NPIPB8: variants seen among roughly 807,000 people sequenced by gnomAD.
NPIPB8 encodes nuclear pore complex interacting protein family member B8.
NPIPB8 carries 3 observed loss-of-function variants against 5.3 expected under a neutral mutation model. The ratio of observed to expected loss-of-function variants is 0.57; its 90% CI spans 0.26 to 1.47. The LOEUF (loss-of-function observed/expected upper bound fraction) is 1.47. NPIPB8 is among the 40% of genes most tolerant of loss of function. The pLI is 0.13. For synonymous variants in NPIPB8, 18 were observed against 23.0 expected, an observed-to-expected ratio of 0.78 and a Z score of 0.62; for missense variants, 50 against 50.2, an observed-to-expected ratio of 1.00 and a Z score of 0.01.
At chr16:28,640,737 C>G (rs2151745071) in intron 2 of NPIPB8, among the ~76,000 whole-genome samples, 1 of 152,230 alleles carries the variant, frequency 6.6e-6, no homozygotes, top group African/African-American at 2.4e-5. Flanking sequence ...AAATCATCAC[C>G]AGCATGATTA....
At chr16:28,637,973 G>T (rs935172563), upstream of NPIPB8, 15 of 817,864 alleles carry the variant, frequency 1.8e-5, no homozygotes, top group African/African-American at 3.7e-5. Context: ...CTTTTTTGTA[G>T]GTTTCAGGCA....
In NPIPB8 at chr16:28,647,794, TA is replaced by T. The variant is rs1278749516; in HGVS notation, c.121-340del. On this transcript the variant is annotated intron_variant, in intron 2 of 7. Transcript: ENST00000683297. Reference sequence around the variant, plus strand: ...AAAAAAAAAAAAAAGAGTTTTTTTTTAGATCATCAGCTATTGTTAGTGTTAG... The same window carrying T: ...AAAAAAAAAAAAAAGAGTTTTTTTTTGATCATCAGCTATTGTTAGTGTTAG... Among the ~76,000 whole-genome samples the T allele has an allele frequency of 4.5e-3, 311 of 69,582 alleles. 37 individuals carry two copies. Among genetic ancestry groups the T allele is most frequent in the Non-Finnish European group, 5.0e-3 (202 of 40,458 alleles). 45.6% of individuals were successfully genotyped at this position (69,582 alleles called of 152,430 possible).
chr16:28,642,168 C>T (rs528668010), intron 2 of NPIPB8, among the ~76,000 whole-genome samples: 15 of 151,412 alleles, frequency 9.9e-5, no homozygotes, highest in South Asian at 8.3e-4. Flanking sequence ...TGCAATGGCA[C>T]GATCTCGGCT....
At chr16:28,644,560 C>G in intron 2 of NPIPB8, 1 of 1,514,674 alleles carries the variant, frequency 6.6e-7, no homozygotes. Flanking sequence ...CTGTCCTGGA[C>G]ACCTCAGGGC....
intron 3 of NPIPB8, among the ~76,000 whole-genome samples, chr16:28,651,753 C>T (rs1216765096): frequency 2.3e-4 from 17 of 72,430 alleles, no homozygotes; most frequent in African/African-American, 1.3e-3. Flanking sequence ...CTCAGCCTCC[C>T]GAGTAGCTTG....
chr16:28,638,965 A>T (rs1364310590), intron 2 of NPIPB8, among the ~76,000 whole-genome samples: 4 of 150,132 alleles, frequency 2.7e-5, no homozygotes, highest in Non-Finnish European at 4.4e-5. Flanking sequence ...GCTACTCAGG[A>T]GGCTGAGACA....
intron 2 of NPIPB8, among the ~76,000 whole-genome samples, chr16:28,641,287 G>A (rs1226624645): frequency 1.3e-5 from 2 of 150,366 alleles, no homozygotes; most frequent in Non-Finnish European, 3.0e-5. Context: ...GGGGATAGTG[G>A]GGGTAGTGGG....
At position 28,638,413 on chromosome 16, in the gene NPIPB8, G is replaced by A. The variant is rs1172508775; in HGVS notation, c.53G>A (p.Gly18Asp). The A allele has an allele frequency of 7.6e-6, 12 of 1,572,022 alleles. No homozygotes were observed. Among genetic ancestry groups the A allele is most frequent in the Admixed American group, 1.8e-5 (1 of 55,592 alleles). ...CCACAGTTCCTGTCCCATGACCAGG[G>A]CCAGCTCACCAAGGAGCTGCAGCAG... ...LTPQFLSHDQGQLTKELQQHV... is the reference protein window; with the variant it reads ...LTPQFLSHDQDQLTKELQQHV... Residue 18 changes from glycine to aspartate, a missense_variant, in exon 2 of 8, where the codon GGC (glycine) becomes GAC (aspartate). By Grantham distance (94) the Gly-to-Asp change is moderately conservative. Transcript: ENST00000683297.
chr16:28,641,993 A>G (rs2411446), intron 2 of NPIPB8, among the ~76,000 whole-genome samples: 3 of 148,914 alleles, frequency 2.0e-5, no homozygotes, highest in Non-Finnish European at 4.4e-5. Context: ...GACTCTAGCA[A>G]CCCTTCATGG....
At chr16:28,641,205 A>G (rs2151746013) in intron 2 of NPIPB8, among the ~76,000 whole-genome samples, 1 of 151,686 alleles carries the variant, frequency 6.6e-6, no homozygotes, top group East Asian at 1.9e-4. Context: ...TCTTAGAGAG[A>G]TGCTCCATGA....
At chr16:28,640,956 C>CACTA (rs1274642320) in intron 2 of NPIPB8, among the ~76,000 whole-genome samples, 1 of 151,964 alleles carries the variant, frequency 6.6e-6, no homozygotes, top group Non-Finnish European at 1.5e-5. Flanking sequence ...TAAATCCAGG[C>CACTA]ACTGTCTTTC....
At chr16:28,642,047 T>C (rs1274315411) in intron 2 of NPIPB8, among the ~76,000 whole-genome samples, 1 of 151,546 alleles carries the variant, frequency 6.6e-6, no homozygotes, top group Non-Finnish European at 1.5e-5. Flanking sequence ...CTAATCTGAC[T>C]TCAACCCCCA....
In NPIPB8 at chr16:28,645,250, C is replaced by T. The variant is rs2047981713; in HGVS notation, c.121-2885C>T. 4.5e-5 allele frequency among the ~76,000 whole-genome samples: 5 copies of T among 111,618 alleles called. No individual in the cohort carries two copies. In the South Asian group the frequency reaches 1.4e-3, roughly 31 times the overall value. 73.2% of individuals were successfully genotyped at this position (111,618 alleles called of 152,430 possible). ...TTCACCATGTTCGCCAGGATAGTCTCCATCTCTTGACCTCGTGATCCGCCT... is the reference window on the plus strand; with the variant it reads ...TTCACCATGTTCGCCAGGATAGTCTTCATCTCTTGACCTCGTGATCCGCCT... On this transcript the variant is annotated intron_variant, in intron 2 of 7. Coordinates refer to ENST00000683297, the MANE Select transcript of NPIPB8 (RefSeq NM_001310136.2).
At chr16:28,639,549 C>G (rs1269991550) in intron 2 of NPIPB8, among the ~76,000 whole-genome samples, 2 of 135,434 alleles carry the variant, frequency 1.5e-5, no homozygotes, top group African/African-American at 2.8e-5. Flanking sequence ...CTCCGTCTCC[C>G]GGGTTCAAGC....
intron 2 of NPIPB8, among the ~76,000 whole-genome samples, chr16:28,640,759 C>G (rs2047882556): frequency 6.6e-6 from 1 of 152,076 alleles, no homozygotes; most frequent in Non-Finnish European, 1.5e-5. Context: ...ACGGAGTAGA[C>G]TTCAGAAAAA....
chr16:28,642,775 C>A (rs1251113373), intron 2 of NPIPB8, among the ~76,000 whole-genome samples: 2 of 151,910 alleles, frequency 1.3e-5, no homozygotes, highest in East Asian at 1.9e-4. Context: ...AGCCACCACA[C>A]CCAGCCCCTG....
At chr16:28,638,725 A>G (rs953482702) in intron 2 of NPIPB8, among the ~76,000 whole-genome samples, 2 of 150,620 alleles carry the variant, frequency 1.3e-5, no homozygotes, top group African/African-American at 5.0e-5. Flanking sequence ...AACCTAAAGA[A>G]AAACAACCAG....
intron 2 of NPIPB8, chr16:28,644,666 G>A (rs1218851754): frequency 7.8e-6 from 11 of 1,408,110 alleles, no homozygotes; most frequent in South Asian, 3.7e-5. Context: ...GTGAGTAGAC[G>A]CTGGACCCGC....
chr16:28,644,815 C>G (rs1164700251), intron 2 of NPIPB8, among the ~76,000 whole-genome samples: 1 of 86,024 alleles, frequency 1.2e-5, no homozygotes, highest in Non-Finnish European at 2.4e-5. Context: ...GGCATCATGG[C>G]GAAACCCCAT....
Sources: allele counts gnomAD v4.1 joint callset (sites outside exome capture counted in the v4.1 genomes callset), GRCh38; gene constraint gnomAD v4.1.1; transcripts MANE v1.5; gene names NCBI Gene and HGNC (gene_info 2026-07-23, HGNC 2026-07-21).